Variants in PPIL1 observed in about 807,000 individuals in gnomAD.
The protein encoded by PPIL1 is peptidylprolyl isomerase like 1.
PPIL1 carries 14 observed loss-of-function variants against 19.4 expected under a neutral mutation model. That is an observed-to-expected ratio of 0.72 (90% CI 0.48 to 1.13). The LOEUF is 1.13. Ranked by LOEUF, PPIL1 falls within the 50% of genes most tolerant of loss-of-function variation. The pLI is 0.00. For missense variants in PPIL1, 192 were observed against 218.0 expected, an observed-to-expected ratio of 0.88 and a Z score of 0.75; for synonymous variants, 72 against 73.6, an observed-to-expected ratio of 0.98 and a Z score of 0.11.
chr6:36,869,924 C>T (rs1774473322), intron 2 of PPIL1, among the ~76,000 whole-genome samples: 1 of 152,006 alleles, frequency 6.6e-6, no homozygotes, highest in African/African-American at 2.4e-5. Flanking sequence ...CCTGTCATCC[C>T]TTAAACCAGA....
chr6:36,871,321 T>C (rs1353863684), intron 2 of PPIL1, among the ~76,000 whole-genome samples: 2 of 152,250 alleles, frequency 1.3e-5, no homozygotes, highest in African/African-American at 4.8e-5. Flanking sequence ...AGGTACTCAG[T>C]ATTTGTTAAA....
At chr6:36,864,732 A>G (rs1774361877) in intron 2 of PPIL1, among the ~76,000 whole-genome samples, 1 of 152,156 alleles carries the variant, frequency 6.6e-6, no homozygotes, top group African/African-American at 2.4e-5. Context: ...CCCCTCCAAC[A>G]AAGAATCATC....
chr6:36,870,517 TTTC>T (rs2150660059), intron 2 of PPIL1, among the ~76,000 whole-genome samples: 1 of 152,342 alleles, frequency 6.6e-6, no homozygotes, highest in African/African-American at 2.4e-5. Context: ...TAGAACTATT[TTTC>T]TTGTCATTAC....
In PPIL1 at chr6:36,867,773, G is replaced by C. The variant is rs12529769; in HGVS notation, c.211+3945C>G. On this transcript the variant is annotated intron_variant, in intron 2 of 3. Transcript: ENST00000373699. ...AGCCCTCCCACAAGGGGCTCGCTCA[G>C]CATGAGCTGAGCTCCAGTTCTCTCC... 2.6e-5 allele frequency among the ~76,000 whole-genome samples: 4 copies of C among 152,308 alleles called. No individual in the cohort carries two copies. The East Asian group carries it at 5.8e-4, about 22-fold the overall frequency.
At chr6:36,859,811 TTGTGTGTGTGTGTGTG>T (rs71880744) in intron 2 of PPIL1, among the ~76,000 whole-genome samples, 1 of 144,886 alleles carries the variant, frequency 6.9e-6, no homozygotes, top group Admixed American at 6.8e-5. Flanking sequence ...CTGTTTTCTA[TTGTGTGTGTGTGTGTG>T]TGTGTGTGTG....
At position 36,855,831 on chromosome 6, in the gene PPIL1, C is replaced by T; in HGVS notation, c.483G>A (p.Lys161=). The part of the protein sequence containing the change: ...DRPVDDVKII[K]AYPSG ...AGCAAGTCTACCCAGAAGGGTATGC[C>T]TTAATGATCTTCACGTCGTCCACAG... is the stretch of plus-strand genomic sequence containing the variant. Residue 161 remains lysine, a synonymous_variant, in exon 4 of 4, where the codon AAG becomes AAA. Transcript: ENST00000373699. The T allele has an allele frequency of 6.2e-7, 1 of 1,614,158 alleles. No homozygotes were observed. Among genetic ancestry groups the T allele is most frequent in the Non-Finnish European group, 8.5e-7 (1 of 1,180,040 alleles).
chr6:36,856,082 C>G (rs1192611848), intron 3 of PPIL1, 49 bp from the exon 4 acceptor site: 1 of 1,557,458 alleles, frequency 6.4e-7, no homozygotes, highest in Non-Finnish European at 8.7e-7. Flanking sequence ...CCCCACAGGT[C>G]CAGTGTAGAG....
intron 2 of PPIL1, among the ~76,000 whole-genome samples, chr6:36,868,853 A>G (rs1774450540): frequency 1.3e-5 from 2 of 152,068 alleles, no homozygotes. Context: ...AAAAACAACA[A>G]CAACAACAAC....
intron 2 of PPIL1, among the ~76,000 whole-genome samples, chr6:36,859,044 AC>A (rs911674206): frequency 6.6e-6 from 1 of 151,908 alleles, no homozygotes; most frequent in Non-Finnish European, 1.5e-5. Context: ...ACCAGAACAA[AC>A]CCCCCAGGAC....
intron 2 of PPIL1, among the ~76,000 whole-genome samples, chr6:36,860,921 G>A (rs1368164343): frequency 6.6e-6 from 1 of 151,996 alleles, no homozygotes; most frequent in Non-Finnish European, 1.5e-5. Flanking sequence ...CTGTTTGAGA[G>A]ACTCATCTAC....
At position 36,867,548 on chromosome 6, in the gene PPIL1, C is replaced by G. The variant is rs3798469; in HGVS notation, c.211+4170G>C. The stretch of plus-strand genomic sequence containing the variant: ...GGGTGAGCAGCTCTGAAAACAAAGC[C>G]CTTGAGGGCAGAAGCCCACACATAT... On this transcript the variant is annotated intron_variant, in intron 2 of 3. Coordinates refer to ENST00000373699, the MANE Select transcript of PPIL1 (RefSeq NM_016059.5). 0.023 allele frequency among the ~76,000 whole-genome samples: 3,479 copies of G among 152,272 alleles called. 222 individuals carry two copies. In the East Asian group the frequency reaches 0.26, roughly 11 times the overall value.
chr6:36,870,099 TAAA>T (rs11428614), intron 2 of PPIL1, among the ~76,000 whole-genome samples: 1 of 132,648 alleles, frequency 7.5e-6, no homozygotes, highest in Non-Finnish European at 1.6e-5. Flanking sequence ...CCATATACAT[TAAA>T]AAAAAAAAAA....
At chr6:36,867,092 C>T (rs1309584530) in intron 2 of PPIL1, among the ~76,000 whole-genome samples, 3 of 152,198 alleles carry the variant, frequency 2.0e-5, no homozygotes, top group Non-Finnish European at 1.5e-5. Context: ...AACTCGGGGC[C>T]TCAACCCGTG....
rs1302646650 is a variant in PPIL1, at chr6:36,854,988, G to A, written c.*825C>T. 2 of 152,540 alleles carry A rather than the reference G, an allele frequency of 1.3e-5. No homozygotes were observed. Among genetic ancestry groups the A allele is most frequent in the African/African-American group, 4.8e-5 (2 of 41,420 alleles). 9.4% of individuals were successfully genotyped at this position (152,540 alleles called of 1,614,324 possible). On this transcript the variant is annotated 3_prime_UTR_variant, in exon 4 of 4. Transcript: ENST00000373699. ...TTGGACCTAATTTCTCTAAAGTCTT[G>A]GGTTAAAAGAACTTGAGTGGCGCTT...
chr6:36,859,613 T>C (rs538475916), intron 2 of PPIL1, among the ~76,000 whole-genome samples: 1 of 152,164 alleles, frequency 6.6e-6, no homozygotes, highest in East Asian at 1.9e-4. Context: ...GACAAATCAT[T>C]CTAATTCAAA....
intron 2 of PPIL1, among the ~76,000 whole-genome samples, chr6:36,869,534 T>C (rs138439416): frequency 2.0e-5 from 3 of 151,926 alleles, no homozygotes; most frequent in African/African-American, 7.2e-5. Context: ...CCAGCTCTTG[T>C]AACAAAAAAC....
intron 2 of PPIL1, among the ~76,000 whole-genome samples, chr6:36,870,815 C>T (rs927829643): frequency 1.3e-5 from 2 of 152,058 alleles, no homozygotes; most frequent in African/African-American, 2.4e-5. Context: ...GTAGACAGAG[C>T]GTTTCACCAT....
At chr6:36,865,977 T>C (rs989727761) in intron 2 of PPIL1, among the ~76,000 whole-genome samples, 1 of 152,136 alleles carries the variant, frequency 6.6e-6, no homozygotes, top group Non-Finnish European at 1.5e-5. Context: ...AGAGGAGAGA[T>C]GAAATCAAAG....
chr6:36,867,351 C>T (rs1167808293), intron 2 of PPIL1, among the ~76,000 whole-genome samples: 1 of 152,176 alleles, frequency 6.6e-6, no homozygotes, highest in Non-Finnish European at 1.5e-5. Flanking sequence ...TCACCAGCAT[C>T]AACCAAATAA....
Sources: allele counts gnomAD v4.1 joint callset (sites outside exome capture counted in the v4.1 genomes callset), GRCh38; gene constraint gnomAD v4.1.1; transcripts MANE v1.5; gene names NCBI Gene and HGNC (gene_info 2026-07-23, HGNC 2026-07-21).